HMCN1: variants seen among roughly 807,000 people sequenced by gnomAD.
HMCN1 encodes the protein hemicentin-1.
Under a neutral mutation model 625.9 loss-of-function variants are expected in HMCN1, and 321 were observed. The ratio of observed to expected loss-of-function variants is 0.51; its 90% CI spans 0.47 to 0.56. HMCN1 has a LOEUF of 0.56. Ranked by LOEUF, HMCN1 falls within the 20% of genes least tolerant of loss-of-function variation. The probability of loss-of-function intolerance (pLI) is 0.00; values close to 1 mark genes in which losing one functional copy is unlikely to be tolerated. For synonymous variants in HMCN1, 2,425 were observed against 2,417.6 expected, an observed-to-expected ratio of 1.00 and a Z score of -0.09; for missense variants, 6,588 against 6,887.3, an observed-to-expected ratio of 0.96 and a Z score of 1.54.
At chr1:185,805,344 C>A (rs2102233508) in intron 1 of HMCN1, among the ~76,000 whole-genome samples, 1 of 152,188 alleles carries the variant, frequency 6.6e-6, no homozygotes, top group East Asian at 1.9e-4. Flanking sequence ...CAGTTTTGTA[C>A]CCCCATCCTC....
chr1:185,904,739 C>G (rs959386101), intron 4 of HMCN1, among the ~76,000 whole-genome samples: 9 of 151,738 alleles, frequency 5.9e-5, no homozygotes, highest in African/African-American at 2.2e-4. Flanking sequence ...AGCTATGTAC[C>G]TATGCAAATG....
intron 97 of HMCN1, among the ~76,000 whole-genome samples, chr1:186,158,251 G>T (rs1175598791): frequency 6.6e-6 from 1 of 150,814 alleles, no homozygotes; most frequent in Non-Finnish European, 1.5e-5. Context: ...TTTGAGAAGT[G>T]TCTGTTCATG....
intron 4 of HMCN1, among the ~76,000 whole-genome samples, chr1:185,907,927 C>T (rs189040460): frequency 2.0e-5 from 3 of 151,780 alleles, no homozygotes; most frequent in Non-Finnish European, 4.4e-5. Flanking sequence ...ATTTCATTGA[C>T]ATTAGTATAT....
intron 1 of HMCN1, among the ~76,000 whole-genome samples, chr1:185,800,745 C>A (rs1658738818): frequency 6.6e-6 from 1 of 151,946 alleles, no homozygotes; most frequent in Non-Finnish European, 1.5e-5. Flanking sequence ...TATTTATGAA[C>A]TGTTATGCTA....
chr1:186,085,514 C>T (rs573817445), intron 57 of HMCN1, among the ~76,000 whole-genome samples: 3 of 152,044 alleles, frequency 2.0e-5, no homozygotes, highest in African/African-American at 4.8e-5. Flanking sequence ...CCTTAAAGGC[C>T]TCATCTTCAA....
At chr1:185,771,588 G>A (rs1656244366) in intron 1 of HMCN1, among the ~76,000 whole-genome samples, 1 of 152,122 alleles carries the variant, frequency 6.6e-6, no homozygotes, top group Non-Finnish European at 1.5e-5. Context: ...CATTTCCTAA[G>A]ATAAATGAAT....
chr1:186,150,961 A>G (rs982840894), intron 93 of HMCN1, among the ~76,000 whole-genome samples: 4 of 152,126 alleles, frequency 2.6e-5, no homozygotes. Context: ...TGAAATATTA[A>G]TAACACTATG....
chr1:185,996,743 G>A (rs886098573), intron 24 of HMCN1, among the ~76,000 whole-genome samples: 1 of 152,076 alleles, frequency 6.6e-6, no homozygotes, highest in African/African-American at 2.4e-5. Flanking sequence ...ATATGAGAGT[G>A]AAGGAGATAG....
At chr1:186,167,582 A>G (rs1240204812) in intron 100 of HMCN1, among the ~76,000 whole-genome samples, 1 of 152,250 alleles carries the variant, frequency 6.6e-6, no homozygotes, top group African/African-American at 2.4e-5. Flanking sequence ...TGTATCCACC[A>G]TGATAGTGTG....
chr1:186,109,675 T>G (rs969603033), intron 71 of HMCN1, among the ~76,000 whole-genome samples: 6 of 152,220 alleles, frequency 3.9e-5, no homozygotes, highest in Non-Finnish European at 1.5e-5. Flanking sequence ...CAGTATATAC[T>G]GGGTGAGGCC....
chr1:185,773,535 T>C (rs1037028525), intron 1 of HMCN1, among the ~76,000 whole-genome samples: 12 of 152,130 alleles, frequency 7.9e-5, no homozygotes, highest in African/African-American at 2.4e-4. Context: ...GAAGCCAACA[T>C]GTAGAGGAGG....
chr1:185,737,033 C>T (rs894906441), intron 1 of HMCN1, among the ~76,000 whole-genome samples: 1 of 152,034 alleles, frequency 6.6e-6, no homozygotes, highest in Non-Finnish European at 1.5e-5. Context: ...TTTAAACATA[C>T]TGTTAACTTT....
At chr1:185,989,769 TCTA>T (rs371672472) in intron 21 of HMCN1, 122 bp downstream of exon 21, 1 of 835,782 alleles carries the variant, frequency 1.2e-6, no homozygotes, top group Non-Finnish European at 1.8e-6. Context: ...CCCCCAGATT[TCTA>T]TTTTTTTTTT....
intron 1 of HMCN1, among the ~76,000 whole-genome samples, chr1:185,777,065 A>G (rs1275557466): frequency 6.6e-6 from 1 of 152,214 alleles, no homozygotes; most frequent in Non-Finnish European, 1.5e-5. Context: ...TCCATACAGG[A>G]CAATATTTAT....
chr1:186,045,856 T>C lies in HMCN1; in HGVS notation c.6473T>C (p.Val2158Ala). Residue 2158 changes from valine (V) to alanine (A), a missense_variant, in exon 41 of 107, where the codon GTG becomes GCG. Physicochemically the swap from Val to Ala is moderately conservative, Grantham distance 64. This residue lies in a region of HMCN1 where 4,628 missense variants were observed against 4,853.1 expected (regional missense o/e 0.95). Coordinates refer to ENST00000271588, the MANE Select transcript of HMCN1 (RefSeq NM_031935.3). ...PGLSISENRS[V>A]LKIEDAQVQD... ...CTCAGTATATCTGAAAATAGAAGTGTGTTAAAGGTAAGGATATGGATTCAT... is the reference window on the plus strand; with the variant it reads ...CTCAGTATATCTGAAAATAGAAGTGCGTTAAAGGTAAGGATATGGATTCAT... 6.2e-7 allele frequency: 1 copy of C among 1,609,404 alleles called. No individual in the cohort carries two copies. The highest frequency in any genetic ancestry group is 8.5e-7 in the Non-Finnish European group (1 of 1,176,040).
At chr1:186,169,989 A>G (rs1051855108) in intron 100 of HMCN1, among the ~76,000 whole-genome samples, 5 of 151,692 alleles carry the variant, frequency 3.3e-5, no homozygotes, top group Admixed American at 2.6e-4. Context: ...AAAAAAAAAA[A>G]CCATCAAAAA....
At chr1:185,881,116 A>G (rs1283492230) in intron 4 of HMCN1, among the ~76,000 whole-genome samples, 2 of 152,234 alleles carry the variant, frequency 1.3e-5, no homozygotes, top group African/African-American at 2.4e-5. Context: ...AGTGGGCCCT[A>G]TGCCATTTTG....
At chr1:185,758,777 T>G (rs1655297499) in intron 1 of HMCN1, among the ~76,000 whole-genome samples, 1 of 152,228 alleles carries the variant, frequency 6.6e-6, no homozygotes, top group Non-Finnish European at 1.5e-5. Flanking sequence ...AAATTAATTT[T>G]TGACTCAATA....
chr1:185,975,288 G>A (rs1651118115), intron 15 of HMCN1, among the ~76,000 whole-genome samples: 1 of 152,140 alleles, frequency 6.6e-6, no homozygotes, highest in Non-Finnish European at 1.5e-5. Flanking sequence ...AAGAAAAGAG[G>A]TTTAATTGGC....
Sources: allele counts gnomAD v4.1 joint callset (sites outside exome capture counted in the v4.1 genomes callset), GRCh38; gene constraint gnomAD v4.1.1; regional missense constraint gnomAD v4.1.1; transcripts MANE v1.5; gene names NCBI Gene and HGNC (gene_info 2026-07-23, HGNC 2026-07-21).